The following TGS1 variants were observed in gnomAD, a reference collection of about 807,000 sequenced individuals.
TGS1 encodes trimethylguanosine synthase.
Under a neutral mutation model 92.2 loss-of-function variants are expected in TGS1, and 69 were observed. That is an observed-to-expected ratio of 0.75 (90% CI 0.62 to 0.91). TGS1 has a LOEUF of 0.91. Among genes scored for constraint, TGS1 ranks in the 40% least tolerant of loss-of-function variants. TGS1 has a pLI of 0.00. For missense variants in TGS1, 1,062 were observed against 1,001.2 expected (o/e 1.06, Z -0.82); for synonymous variants, 345 against 338.1 (o/e 1.02, Z -0.22).
At chr8:55,783,403 A>G (rs1290708421) in intron 2 of TGS1, among the ~76,000 whole-genome samples, 1 of 152,188 alleles carries the variant, frequency 6.6e-6, no homozygotes, top group Non-Finnish European at 1.5e-5. Context: ...TGGGCAACAG[A>G]GTGAGACTCC....
At chr8:55,801,732 G>A (rs1219708497) in intron 8 of TGS1, among the ~76,000 whole-genome samples, 1 of 150,874 alleles carries the variant, frequency 6.6e-6, no homozygotes. Context: ...GGGATTACAG[G>A]CACCTACCAC....
chr8:55,776,695 A>G (rs1811411562), intron 1 of TGS1, among the ~76,000 whole-genome samples: 1 of 151,968 alleles, frequency 6.6e-6, no homozygotes, highest in Admixed American at 6.6e-5. Context: ...TTTAGTTTTT[A>G]CTTCTTTCTT....
intron 5 of TGS1, 77 bp downstream of exon 5, chr8:55,790,376 G>A: frequency 1.1e-6 from 1 of 912,982 alleles, no homozygotes; most frequent in Non-Finnish European, 1.8e-6. Flanking sequence ...GTTATTAAAT[G>A]ATTGTTATGT....
At position 55,814,674 on chromosome 8, in the gene TGS1, A is replaced by ATATATATAT. The variant is rs1554564802; in HGVS notation, c.2439+1556_2439+1557insTATATATAT. 3.2e-3 allele frequency among the ~76,000 whole-genome samples: 394 copies of ATATATATAT among 123,278 alleles called. 2 individuals are homozygous for ATATATATAT. Among genetic ancestry groups the ATATATATAT allele is most frequent in the African/African-American group, 0.011 (319 of 28,012 alleles). 80.9% of individuals were successfully genotyped at this position (123,278 alleles called of 152,430 possible). A position where few individuals can be genotyped will look rare whatever the true frequency, so the allele number is the denominator to read the frequency against. On this transcript the variant is annotated intron_variant, in intron 12 of 12. Coordinates refer to ENST00000260129, the MANE Select transcript of TGS1 (RefSeq NM_024831.8). ...CGTCTCTACTTAAAAAAAAAAAAAA[A>ATATATATAT]ATATATATATATATATATATATATG... is the stretch of plus-strand genomic sequence containing the variant.
chr8:55,787,259 A>C (rs1339946928), intron 4 of TGS1, among the ~76,000 whole-genome samples, 199 bp downstream of exon 4: 2 of 152,246 alleles, frequency 1.3e-5, no homozygotes, highest in Non-Finnish European at 1.5e-5. Flanking sequence ...TGCAGTTCTC[A>C]AAAGTATCAT....
rs891791439 is a variant in TGS1, at chr8:55,782,028, G to A, written c.102-720G>A. On this transcript the variant is annotated intron_variant, in intron 1 of 12. Transcript: ENST00000260129. ...CTTATTAGCAAATGGATTAGTGTCT[G>A]CATATTGATTTATATGTATGTAAGC... Among the ~76,000 whole-genome samples the A allele has an allele frequency of 2.6e-5, 4 of 152,120 alleles. No homozygotes were observed. In the East Asian group the frequency reaches 7.7e-4, roughly 29 times the overall value.
intron 1 of TGS1, among the ~76,000 whole-genome samples, chr8:55,781,961 G>A (rs1215309730): frequency 6.6e-6 from 1 of 152,082 alleles, no homozygotes; most frequent in Non-Finnish European, 1.5e-5. Flanking sequence ...CCTTTGCTCA[G>A]ACCATGAATA....
In TGS1 at chr8:55,782,788, A is replaced by T. The variant is rs746462874; in HGVS notation, c.142A>T (p.Ile48Phe). ...CAATTTGGGATTAAAAGGCTATTAC[A>T]TCAGAGACAGTGGCAACAATTCAGG... ...LYNLGLKGYYIRDSGNNSGDQ... is the reference protein window; with the variant it reads ...LYNLGLKGYYFRDSGNNSGDQ... Residue 48 changes from isoleucine to phenylalanine, a missense_variant, in exon 2 of 13, where the codon ATC becomes TTC. By Grantham distance (21) the Ile-to-Phe change is conservative (BLOSUM62 0). Transcript: ENST00000260129. 54 of 1,610,398 alleles carry T rather than the reference A, an allele frequency of 3.4e-5. 2 individuals are homozygous for T. The South Asian group carries it at 5.8e-4, about 17-fold the overall frequency.
At position 55,786,430 on chromosome 8, in the gene TGS1, G is replaced by A; in HGVS notation, c.532G>A (p.Glu178Lys). Residue 178 changes from glutamate to lysine, a missense_variant, in exon 4 of 13, where the codon GAG becomes AAG. Glu to Lys is a moderately conservative substitution (Grantham distance 56). Transcript: ENST00000260129. ...TGAACTTCAAAGCAAAAAAGATACTGAGACAGAAAATCCTCCAGTTGAAAA... is the reference window on the plus strand; with the variant it reads ...TGAACTTCAAAGCAAAAAAGATACTAAGACAGAAAATCCTCCAGTTGAAAA... Reference protein sequence around the residue: ...TYELQSKKDTETENPPVENTL... With the variant: ...TYELQSKKDTKTENPPVENTL... The A allele has an allele frequency of 1.9e-6, 3 of 1,613,480 alleles. No homozygotes were observed. The highest frequency in any genetic ancestry group is 2.5e-6 in the Non-Finnish European group (3 of 1,179,870).
At chr8:55,799,410 C>T (rs201594578) in intron 8 of TGS1, among the ~76,000 whole-genome samples, 190 bp downstream of exon 8, 14 of 152,196 alleles carry the variant, frequency 9.2e-5, no homozygotes, top group Non-Finnish European at 1.2e-4. Flanking sequence ...CAGCACTCCT[C>T]ACTCTTGGCT....
At chr8:55,798,890 C>T (rs78872630) in intron 7 of TGS1, 24 bp from the exon 8 acceptor site, 73,181 of 1,551,728 alleles carry the variant, frequency 0.047, 1,910 homozygotes, top group Middle Eastern at 0.081. Context: ...AATTCCTGCT[C>T]ATGATGTCAT....
intron 10 of TGS1, among the ~76,000 whole-genome samples, chr8:55,805,761 G>T: frequency 6.6e-6 from 1 of 151,736 alleles, no homozygotes; most frequent in South Asian, 2.1e-4. Context: ...GCATGCATCT[G>T]TAATCCCAGC....
chr8:55,779,989 C>G (rs1431109006), intron 1 of TGS1, among the ~76,000 whole-genome samples: 1 of 150,934 alleles, frequency 6.6e-6, no homozygotes, highest in African/African-American at 2.4e-5. Flanking sequence ...CCCAGGTAGC[C>G]AGGACTACAG....
Position 55,791,055 on chromosome 8 carries a change from C to T in TGS1, c.1280+756C>T, listed in dbSNP as rs192647662. Among the ~76,000 whole-genome samples, 8 of 152,128 alleles carry T rather than the reference C, an allele frequency of 5.3e-5. No homozygotes were observed. In the East Asian group the frequency reaches 1.2e-3, roughly 22 times the overall value. Reference sequence around the variant, plus strand: ...CCAGATTTGTATTGCTGAAAAAGACCTCAAGGTCATGCTCTCATTGTATAG... The same window carrying T: ...CCAGATTTGTATTGCTGAAAAAGACTTCAAGGTCATGCTCTCATTGTATAG... On this transcript the variant is annotated intron_variant, in intron 5 of 12. Coordinates refer to ENST00000260129, the MANE Select transcript of TGS1 (RefSeq NM_024831.8).
At chr8:55,773,796 A>C (rs969733355) in intron 1 of TGS1, 77 bp downstream of exon 1, 17 of 1,206,890 alleles carry the variant, frequency 1.4e-5, no homozygotes, top group Non-Finnish European at 1.8e-5. Flanking sequence ...ACGTGGTTGT[A>C]ATTGATCCCT....
chr8:55,778,958 G>GC (rs1811477452), intron 1 of TGS1, among the ~76,000 whole-genome samples: 1 of 152,208 alleles, frequency 6.6e-6, no homozygotes, highest in South Asian at 2.1e-4. Flanking sequence ...TCAGGTGGCT[G>GC]CTTAGGGCTC....
At chr8:55,812,778 T>C (rs1357509225) in intron 11 of TGS1, among the ~76,000 whole-genome samples, 1 of 152,090 alleles carries the variant, frequency 6.6e-6, no homozygotes, top group Admixed American at 6.6e-5. Context: ...TGGCCATGGT[T>C]ACTTTATTCT....
At chr8:55,782,711 A>C (rs1158786673) in intron 1 of TGS1, 37 bp from the exon 2 acceptor site, 2 of 1,520,118 alleles carry the variant, frequency 1.3e-6, no homozygotes, top group South Asian at 2.5e-5. Context: ...TGATGGCTTA[A>C]TTCATTTCAA....
At chr8:55,821,350 T>C (rs570839336) in intron 12 of TGS1, among the ~76,000 whole-genome samples, 4 of 152,332 alleles carry the variant, frequency 2.6e-5, no homozygotes, top group Non-Finnish European at 4.4e-5. Context: ...CTAGAACAGA[T>C]ACCTATAAGC....
Sources: gnomAD v4.1 joint callset for allele counts (sites outside exome capture counted in the v4.1 genomes callset) on GRCh38, gnomAD v4.1.1 for gene constraint, MANE v1.5 for transcripts, NCBI Gene and HGNC (gene_info 2026-07-23, HGNC 2026-07-21) for gene names.